The following KIAA1549L variants were observed in gnomAD, a reference collection of about 807,000 sequenced individuals.
The protein encoded by KIAA1549L is KIAA1549 like.
KIAA1549L carries 88 observed loss-of-function variants against 160.7 expected under a neutral mutation model. That is an observed-to-expected ratio of 0.55 (90% CI 0.46 to 0.65). The LOEUF (loss-of-function observed/expected upper bound fraction) is 0.65, where lower values mean the gene tolerates loss of function less well. Ranked by LOEUF, KIAA1549L falls within the 30% of genes least tolerant of loss-of-function variation. KIAA1549L has a pLI of 0.00. For missense variants in KIAA1549L, 2,258 were observed against 2,437.5 expected (o/e 0.93, Z 1.55); for synonymous variants, 950 against 976.7 (o/e 0.97, Z 0.51).
chr11:33,501,869 C>T (rs1450224255), intron 1 of KIAA1549L, among the ~76,000 whole-genome samples: 1 of 152,070 alleles, frequency 6.6e-6, no homozygotes, highest in Non-Finnish European at 1.5e-5. Flanking sequence ...TTAGGTTCTG[C>T]CCAAGGTCGT....
chr11:33,662,813 C>T (rs1158823234), intron 20 of KIAA1549L, among the ~76,000 whole-genome samples: 2 of 152,116 alleles, frequency 1.3e-5, no homozygotes, highest in African/African-American at 4.8e-5. Context: ...CCTTTGGGCT[C>T]ATAATTGCCT....
intron 17 of KIAA1549L, among the ~76,000 whole-genome samples, chr11:33,651,423 C>T (rs1851880820): frequency 1.4e-5 from 2 of 144,318 alleles, no homozygotes; most frequent in African/African-American, 5.0e-5. Flanking sequence ...TGCAAAAGAG[C>T]AAGACTCTGT....
intron 20 of KIAA1549L, among the ~76,000 whole-genome samples, chr11:33,664,136 A>G (rs1474063841): frequency 2.0e-5 from 3 of 152,196 alleles, no homozygotes; most frequent in Admixed American, 6.5e-5. Flanking sequence ...CATTTTGTCT[A>G]TCTTTGCTGG....
At chr11:33,656,151 A>G in intron 18 of KIAA1549L, 42 bp downstream of exon 18, 1 of 1,490,674 alleles carries the variant, frequency 6.7e-7, no homozygotes, top group Non-Finnish European at 9.3e-7. Context: ...ATATTTGGAA[A>G]AGGGTCAGTC....
chr11:33,407,729 A>C (rs1228711503), intron 1 of KIAA1549L, among the ~76,000 whole-genome samples: 1 of 152,094 alleles, frequency 6.6e-6, no homozygotes, highest in Non-Finnish European at 1.5e-5. Flanking sequence ...AGGGTTGGGG[A>C]ATCCTAAGGG....
intron 13 of KIAA1549L, among the ~76,000 whole-genome samples, chr11:33,605,022 C>T (rs1487159559): frequency 2.0e-5 from 3 of 152,144 alleles, no homozygotes; most frequent in Non-Finnish European, 4.4e-5. Context: ...ACTCATGGCT[C>T]TTGACAGGGG....
In KIAA1549L at chr11:33,382,770, A is replaced by G. The variant is rs533258257; in HGVS notation, c.238+5881A>G. On this transcript the variant is annotated intron_variant, in intron 1 of 20. Transcript: ENST00000658780. ...CCATCCCCACAAAGTAAAGAAAATG[A>G]TCTTGGGGCCAGAGCACAGGGCACT... 7.2e-5 allele frequency among the ~76,000 whole-genome samples: 11 copies of G among 152,152 alleles called. No individual in the cohort carries two copies. The East Asian group carries it at 2.1e-3, about 29-fold the overall frequency.
chr11:33,548,391 T>A (rs1388041808), intron 4 of KIAA1549L, among the ~76,000 whole-genome samples: 1 of 152,176 alleles, frequency 6.6e-6, no homozygotes, highest in African/African-American at 2.4e-5. Flanking sequence ...AGAGCGAGTC[T>A]CTGCCTCAAA....
intron 6 of KIAA1549L, among the ~76,000 whole-genome samples, chr11:33,556,161 G>T (rs546299220): frequency 3.3e-5 from 5 of 152,296 alleles, no homozygotes; most frequent in Non-Finnish European, 5.9e-5. Context: ...AAAATACTAA[G>T]TGTTGGTGAT....
At chr11:33,423,983 C>G (rs1420428722) in intron 1 of KIAA1549L, among the ~76,000 whole-genome samples, 2 of 151,718 alleles carry the variant, frequency 1.3e-5, no homozygotes, top group Admixed American at 1.3e-4. Context: ...GAGCTGTGAT[C>G]ATGCCAGTGC....
intron 1 of KIAA1549L, among the ~76,000 whole-genome samples, chr11:33,444,485 G>A (rs1851571297): frequency 6.6e-6 from 1 of 152,184 alleles, no homozygotes; most frequent in Non-Finnish European, 1.5e-5. Context: ...CTGGTAATTG[G>A]TGTCAGCGAT....
At chr11:33,492,460 G>C (rs963919109) in intron 1 of KIAA1549L, among the ~76,000 whole-genome samples, 1 of 152,160 alleles carries the variant, frequency 6.6e-6, no homozygotes, top group Non-Finnish European at 1.5e-5. Flanking sequence ...GTGAAGGGAC[G>C]TGAAGACTAG....
At position 33,671,614 on chromosome 11, in the gene KIAA1549L, A is replaced by ACACACACACACACACACACC. The variant is rs1392009671; in HGVS notation, c.*3463_*3464insACACACACACACACACCCAC. 3 of 151,744 alleles carry ACACACACACACACACACACC rather than the reference A, an allele frequency of 2.0e-5. No homozygotes were observed. The highest frequency in any genetic ancestry group is 4.4e-5 in the Non-Finnish European group (3 of 67,872). The allele number at this position is 151,744 out of a possible 1,614,324, so 9.4% of individuals were successfully genotyped here. ...CACACACACACACACACACACACAC[A>ACACACACACACACACACACC]CACCCTACTTCGGAGAGAGAATGTA... On this transcript the variant is annotated 3_prime_UTR_variant, in exon 21 of 21. Coordinates refer to ENST00000658780, the MANE Select transcript of KIAA1549L (RefSeq NM_012194.3).
At chr11:33,380,266 C>G (rs1850047853) in intron 1 of KIAA1549L, among the ~76,000 whole-genome samples, 1 of 152,188 alleles carries the variant, frequency 6.6e-6, no homozygotes, top group Non-Finnish European at 1.5e-5. Flanking sequence ...ATACCCAGCA[C>G]AGAACAGGAA....
intron 1 of KIAA1549L, among the ~76,000 whole-genome samples, chr11:33,467,436 G>A (rs1852086672): frequency 6.6e-6 from 1 of 152,202 alleles, no homozygotes; most frequent in Middle Eastern, 3.2e-3. Flanking sequence ...TGGGCAGATG[G>A]AAAGTTTCAA....
At chr11:33,610,870 A>C (rs1228709510) in intron 15 of KIAA1549L, among the ~76,000 whole-genome samples, 1 of 152,258 alleles carries the variant, frequency 6.6e-6, no homozygotes. Flanking sequence ...AGCATCTGGC[A>C]GGGCCTCCTT....
At position 33,672,699 on chromosome 11, in the gene KIAA1549L, T is replaced by C. The variant is rs1322150955; in HGVS notation, c.*4545T>C. The C allele has an allele frequency of 6.5e-6, 1 of 153,824 alleles. No individual in the cohort carries two copies. The highest frequency in any genetic ancestry group is 1.5e-5 in the Non-Finnish European group (1 of 68,112). The allele number at this position is 153,824 out of a possible 1,614,324, so 9.5% of individuals were successfully genotyped here. ...GCACATCAGGTGAGGGTGCACACAC[T>C]TGAAACTCTGCTAGACTGGCCAGAG... On this transcript the variant is annotated 3_prime_UTR_variant, in exon 21 of 21. Transcript: ENST00000658780.
At chr11:33,508,323 G>A (rs1189325051) in intron 1 of KIAA1549L, among the ~76,000 whole-genome samples, 2 of 152,192 alleles carry the variant, frequency 1.3e-5, no homozygotes, top group Non-Finnish European at 2.9e-5. Context: ...AGCCACGGTG[G>A]CTTCACAGAT....
chr11:33,602,891 GT>G (rs1486983896), intron 13 of KIAA1549L, among the ~76,000 whole-genome samples: 2 of 152,138 alleles, frequency 1.3e-5, no homozygotes, highest in Non-Finnish European at 1.5e-5. Context: ...CTGAATAAAA[GT>G]TTTTTTGAAA....
Sources: allele counts gnomAD v4.1 joint callset (sites outside exome capture counted in the v4.1 genomes callset), GRCh38; gene constraint gnomAD v4.1.1; transcripts MANE v1.5; gene names NCBI Gene and HGNC (gene_info 2026-07-23, HGNC 2026-07-21).